The following OSBPL9 variants were observed in gnomAD, a reference collection of about 807,000 sequenced individuals.
The protein encoded by OSBPL9 is oxysterol-binding protein-related protein 9.
A neutral mutation model predicts 106.6 loss-of-function variants in OSBPL9; 40 were observed. That is an observed-to-expected ratio of 0.38 (90% CI 0.29 to 0.49). The LOEUF is 0.49. OSBPL9 is among the 20% of genes least tolerant of loss of function. The pLI is 0.97. For synonymous variants in OSBPL9, 269 were observed against 295.4 expected (o/e 0.91, Z 0.92); for missense variants, 609 against 887.2 (o/e 0.69, Z 3.98).
In OSBPL9 at chr1:51,772,155, T is replaced by G. The variant is rs754756155; in HGVS notation, c.1024T>G (p.Ser342Ala). ...AGATACCACAGAATCACTTAATTCT[T>G]CCTTGTCCAATGGAACAAGTGATGC... ...RPDTTESLNSSLSNGTSDADL... is the reference protein window; with the variant it reads ...RPDTTESLNSALSNGTSDADL... The change falls in exon 13 of 24, where the codon TCC becomes GCC. Residue 342 changes from serine (S) to alanine (A), a missense_variant. By Grantham distance (99) the Ser-to-Ala change is moderately conservative. Coordinates refer to ENST00000428468, the MANE Select transcript of OSBPL9 (RefSeq NM_024586.6). The G allele has an allele frequency of 1.1e-5, 17 of 1,613,638 alleles. No individual in the cohort carries two copies. Among genetic ancestry groups the G allele is most frequent in the Non-Finnish European group, 1.2e-5 (14 of 1,179,614 alleles).
chr1:51,629,503 A>G (rs765723416), intron 1 of OSBPL9, among the ~76,000 whole-genome samples: 2 of 152,158 alleles, frequency 1.3e-5, no homozygotes, highest in African/African-American at 4.8e-5. Flanking sequence ...CTTAGATCAT[A>G]TAGTTTACTA....
Position 51,773,832 on chromosome 1 carries a change from T to C in OSBPL9, c.1170+1109T>C, listed in dbSNP as rs1674453641. On this transcript the variant is annotated intron_variant, in intron 14 of 23. Coordinates refer to ENST00000428468, the MANE Select transcript of OSBPL9 (RefSeq NM_024586.6). ...GAGAACAGAGACACAAGGACAACTT[T>C]TATTTGTGGAGCCCAACACACTTAC... Among the ~76,000 whole-genome samples, 3 of 152,334 alleles carry C rather than the reference T, an allele frequency of 2.0e-5. No homozygotes were observed. In the South Asian group the frequency reaches 6.2e-4, roughly 32 times the overall value.
At chr1:51,592,108 CTTTTTTTTTTT>C (rs34379031) in intron 1 of OSBPL9, among the ~76,000 whole-genome samples, 3 of 76,974 alleles carry the variant, frequency 3.9e-5, no homozygotes, top group East Asian at 7.7e-4. Context: ...GTTGCTAAGG[CTTTTTTTTTTT>C]TTTTTTTTTT....
At chr1:51,540,993 T>C in the OSBPL9 span, among the ~76,000 whole-genome samples, 1 of 146,172 alleles carries the variant, frequency 6.8e-6, no homozygotes, top group Non-Finnish European at 1.5e-5. Flanking sequence ...TACTCAGGCA[T>C]GGTGGCGCGC....
At chr1:51,643,761 G>A (rs1015557078) in intron 1 of OSBPL9, among the ~76,000 whole-genome samples, 1 of 152,148 alleles carries the variant, frequency 6.6e-6, no homozygotes, top group South Asian at 2.1e-4. Context: ...GATTGGAGGA[G>A]AGGAAGAAGA....
chr1:51,695,198 TAAAAG>T (rs1274247026), intron 3 of OSBPL9, among the ~76,000 whole-genome samples: 1 of 152,206 alleles, frequency 6.6e-6, no homozygotes, highest in Non-Finnish European at 1.5e-5. Flanking sequence ...AGGGCATTCT[TAAAAG>T]AAATAGTAAT....
chr1:51,663,985 T>C, intron 2 of OSBPL9, among the ~76,000 whole-genome samples: 1 of 152,194 alleles, frequency 6.6e-6, no homozygotes, highest in East Asian at 1.9e-4. Flanking sequence ...AAACTGTTAG[T>C]GAAGTTATTG....
At chr1:51,564,051 T>TAAAAAAAAAAAAAAAAA in the OSBPL9 span, among the ~76,000 whole-genome samples, 1 of 242 alleles carries the variant, frequency 4.1e-3, no homozygotes, top group Non-Finnish European at 9.1e-3. Context: ...CGAGATCATC[T>TAAAAAAAAAAAAAAAAA]CAAAAAAAAA....
chr1:51,583,043 CGCACCACT>C (rs1322166978), intron 1 of OSBPL9: 1 of 151,724 alleles, frequency 6.6e-6, no homozygotes, highest in Admixed American at 6.6e-5. Context: ...GAGCTGAGAT[CGCACCACT>C]GCACTCCAGC....
chr1:51,657,865 A>C (rs890019899), intron 2 of OSBPL9, among the ~76,000 whole-genome samples: 2 of 152,124 alleles, frequency 1.3e-5, no homozygotes, highest in Non-Finnish European at 2.9e-5. Context: ...TGGGAGGCTG[A>C]TTCAGGAGGA....
chr1:51,578,543 T>C (rs1009008195), intron 1 of OSBPL9, among the ~76,000 whole-genome samples: 1 of 152,170 alleles, frequency 6.6e-6, no homozygotes, highest in Non-Finnish European at 1.5e-5. Context: ...GACTTCCTCA[T>C]ATTAGAGGTA....
chr1:51,619,435 A>C (rs535807917), intron 1 of OSBPL9, among the ~76,000 whole-genome samples: 21 of 152,340 alleles, frequency 1.4e-4, no homozygotes, highest in African/African-American at 5.1e-4. Context: ...TTGCTGGCTA[A>C]ATATAGGGTT....
At chr1:51,763,137 C>A (rs1345147177) in intron 11 of OSBPL9, among the ~76,000 whole-genome samples, 1 of 152,042 alleles carries the variant, frequency 6.6e-6, no homozygotes, top group Non-Finnish European at 1.5e-5. Context: ...TCCTGAGTAG[C>A]TGGGATTAAA....
At chr1:51,656,041 G>A (rs892271608) in intron 2 of OSBPL9, among the ~76,000 whole-genome samples, 1 of 152,202 alleles carries the variant, frequency 6.6e-6, no homozygotes, top group African/African-American at 2.4e-5. Flanking sequence ...CTGCTTTAGT[G>A]TAGTGTTCTG....
chr1:51,658,681 C>T (rs1400508200), intron 2 of OSBPL9, among the ~76,000 whole-genome samples: 2 of 151,986 alleles, frequency 1.3e-5, no homozygotes, highest in Non-Finnish European at 2.9e-5. Flanking sequence ...GGTGGTGCAC[C>T]ATGACAGAAT....
At chr1:51,527,621 T>A in the OSBPL9 span, among the ~76,000 whole-genome samples, 1 of 151,996 alleles carries the variant, frequency 6.6e-6, no homozygotes, top group Admixed American at 6.6e-5. Flanking sequence ...CTTGAACTCC[T>A]GGACTCAAGC....
At chr1:51,726,797 A>G in intron 4 of OSBPL9, among the ~76,000 whole-genome samples, 1 of 152,144 alleles carries the variant, frequency 6.6e-6, no homozygotes, top group East Asian at 1.9e-4. Context: ...AGGCTTTAAC[A>G]GCTTTTAGTT....
At chr1:51,644,131 A>G (rs1193086220) in intron 1 of OSBPL9, among the ~76,000 whole-genome samples, 1 of 140,642 alleles carries the variant, frequency 7.1e-6, no homozygotes, top group East Asian at 2.4e-4. Flanking sequence ...ATTGGGATGT[A>G]TTGTAGAGGG....
At chr1:51,646,155 G>T (rs2148689215) in intron 1 of OSBPL9, among the ~76,000 whole-genome samples, 1 of 152,280 alleles carries the variant, frequency 6.6e-6, no homozygotes. Context: ...CAACAGAAAA[G>T]GGGAGTTAGG....
Sources: gnomAD v4.1 joint callset for allele counts (sites outside exome capture counted in the v4.1 genomes callset) on GRCh38, gnomAD v4.1.1 for gene constraint, MANE v1.5 for transcripts, NCBI Gene and HGNC (gene_info 2026-07-23, HGNC 2026-07-21) for gene names.